BAZ2B: variants seen among roughly 807,000 people sequenced by gnomAD.
The protein encoded by BAZ2B is bromodomain adjacent to zinc finger domain 2B.
In BAZ2B, 91 loss-of-function variants were observed where a neutral mutation model predicts 246.0. That is an observed-to-expected ratio of 0.37 (90% confidence interval 0.31 to 0.44). The LOEUF is 0.44. Among genes scored for constraint, BAZ2B ranks in the 20% least tolerant of loss-of-function variants. The pLI, the probability that BAZ2B is intolerant of heterozygous loss-of-function variation, is 1.00. For missense variants in BAZ2B, 2,332 were observed against 2,533.7 expected (o/e 0.92, Z 1.71); for synonymous variants, 855 against 860.0 (o/e 0.99, Z 0.10).
chr2:159,456,609 C>G (rs1049171370), intron 3 of BAZ2B, among the ~76,000 whole-genome samples: 2 of 152,100 alleles, frequency 1.3e-5, no homozygotes. Context: ...GATCTGTACA[C>G]AAGAATGACA....
At chr2:159,619,385 A>AT (rs993258720), upstream of BAZ2B, among the ~76,000 whole-genome samples, 20 of 151,754 alleles carry the variant, frequency 1.3e-4, no homozygotes, top group Non-Finnish European at 2.4e-4. Flanking sequence ...TTTAAAATAT[A>AT]TTTTTATTAT....
chr2:159,461,170 A>G (rs2076362995), intron 3 of BAZ2B: 1 of 152,446 alleles, frequency 6.6e-6, no homozygotes, highest in Non-Finnish European at 1.5e-5. Flanking sequence ...AGGCAGGAAG[A>G]CATTACTTGT....
chr2:159,638,121 GA>G, the BAZ2B span, among the ~76,000 whole-genome samples: 13 of 152,302 alleles, frequency 8.5e-5, no homozygotes, highest in African/African-American at 2.9e-4. Flanking sequence ...TAAGAAAAAA[GA>G]ACAAAAGTCT....
the BAZ2B span, among the ~76,000 whole-genome samples, chr2:159,652,432 ACTCCTAAC>A: frequency 6.6e-6 from 1 of 151,750 alleles, no homozygotes; most frequent in Non-Finnish European, 1.5e-5. Flanking sequence ...CTAGTCTCAA[ACTCCTAAC>A]CTCAGGTGAT....
the BAZ2B span, among the ~76,000 whole-genome samples, chr2:159,663,198 T>A: frequency 1.3e-5 from 2 of 151,306 alleles, no homozygotes; most frequent in Non-Finnish European, 2.9e-5. Context: ...TTGTTTTTTT[T>A]TTCTTTTTTT....
At chr2:159,704,865 G>A in the BAZ2B span, among the ~76,000 whole-genome samples, 4 of 152,026 alleles carry the variant, frequency 2.6e-5, no homozygotes, top group Non-Finnish European at 5.9e-5. Context: ...ACCACGCCCG[G>A]CTAATTTTTT....
intron 2 of BAZ2B, among the ~76,000 whole-genome samples, chr2:159,551,466 C>CAAAAAAAA (rs57418948): frequency 1.8e-4 from 13 of 71,626 alleles, no homozygotes; most frequent in East Asian, 3.8e-4. Context: ...GACTCAGACT[C>CAAAAAAAA]AAAAAAAAAA....
intron 3 of BAZ2B, among the ~76,000 whole-genome samples, chr2:159,467,299 C>G (rs943011824): frequency 3.3e-5 from 5 of 152,128 alleles, no homozygotes; most frequent in Non-Finnish European, 1.5e-5. Flanking sequence ...AATCTAATGA[C>G]TCACAAAACT....
chr2:159,646,442 A>C, the BAZ2B span, among the ~76,000 whole-genome samples: 1 of 152,258 alleles, frequency 6.6e-6, no homozygotes, highest in East Asian at 1.9e-4. Context: ...GTCCTGAGGC[A>C]ATATACATCC....
At chr2:159,521,745 C>T (rs528462011) in intron 2 of BAZ2B, among the ~76,000 whole-genome samples, 80 of 152,076 alleles carry the variant, frequency 5.3e-4, no homozygotes, top group Admixed American at 1.3e-3. Context: ...TCTATCAGCA[C>T]TATTAGTGTA....
intron 25 of BAZ2B, among the ~76,000 whole-genome samples, chr2:159,381,680 G>A (rs1368449514): frequency 3.9e-5 from 6 of 152,122 alleles, no homozygotes; most frequent in African/African-American, 7.2e-5. Context: ...GCCAGAGTGA[G>A]TAACTTAAAA....
In BAZ2B at chr2:159,325,772, G is replaced by T; in HGVS notation, c.6090C>A (p.Asn2030Lys). The change falls in exon 35 of 37, where the codon AAC becomes AAA. Residue 2030 changes from asparagine (N) to lysine (K), a missense_variant. This residue lies in a region of BAZ2B where 210 missense variants were observed against 232.5 expected (regional missense o/e 0.90). Coordinates refer to ENST00000392783, the MANE Select transcript of BAZ2B (RefSeq NM_013450.4). ...CCATTTTTCTTTTCTTGAGGTCTTT[G>T]TTTCCTCTTTTTAGTGAACTACTTG... is the stretch of plus-strand genomic sequence containing the variant. ...ASTSSSLKRGNKDLKKRKMEE... is the reference protein window; with the variant it reads ...ASTSSSLKRGKKDLKKRKMEE... The T allele has an allele frequency of 6.2e-7, 1 of 1,603,734 alleles. No homozygotes were observed. Among genetic ancestry groups the T allele is most frequent in the Non-Finnish European group, 8.5e-7 (1 of 1,177,654 alleles).
intron 2 of BAZ2B, among the ~76,000 whole-genome samples, chr2:159,518,455 T>C (rs1017795107): frequency 2.6e-5 from 4 of 152,170 alleles, no homozygotes; most frequent in African/African-American, 4.8e-5. Context: ...TCAGAGTGAA[T>C]TCCCCTGTAC....
chr2:159,470,329 T>G (rs1403193940), intron 3 of BAZ2B, among the ~76,000 whole-genome samples: 1 of 152,206 alleles, frequency 6.6e-6, no homozygotes, highest in Non-Finnish European at 1.5e-5. Flanking sequence ...GGGAGGAATT[T>G]AACTTCAAAA....
At chr2:159,412,280 C>A in intron 14 of BAZ2B, 55 bp downstream of exon 14, 1 of 1,512,924 alleles carries the variant, frequency 6.6e-7, no homozygotes, top group Admixed American at 1.7e-5. Context: ...ATTAGAAATA[C>A]TTTTAGTATA....
intron 1 of BAZ2B, among the ~76,000 whole-genome samples, chr2:159,602,211 C>T (rs1254685590): frequency 2.6e-5 from 4 of 151,986 alleles, no homozygotes; most frequent in Admixed American, 6.6e-5. Flanking sequence ...CCATATTTCT[C>T]GCTATATTGG....
At chr2:159,447,629 G>A (rs1434311857) in intron 5 of BAZ2B, among the ~76,000 whole-genome samples, 1 of 152,074 alleles carries the variant, frequency 6.6e-6, no homozygotes, top group Non-Finnish European at 1.5e-5. Flanking sequence ...CATATAGGGA[G>A]GTAATGAAAT....
chr2:159,569,686 G>T (rs889880597), intron 1 of BAZ2B, among the ~76,000 whole-genome samples: 2 of 151,972 alleles, frequency 1.3e-5, no homozygotes, highest in South Asian at 4.2e-4. Context: ...GTAGCCAGAT[G>T]CGGTAGCACA....
chr2:159,645,010 C>T, the BAZ2B span, among the ~76,000 whole-genome samples: 2 of 152,172 alleles, frequency 1.3e-5, no homozygotes, highest in Non-Finnish European at 2.9e-5. Context: ...CACAGTGGCT[C>T]ACACGTGTAA....
Sources: gnomAD v4.1 joint callset for allele counts (sites outside exome capture counted in the v4.1 genomes callset) on GRCh38, gnomAD v4.1.1 for gene constraint, gnomAD v4.1.1 regional missense constraint, MANE v1.5 for transcripts, NCBI Gene and HGNC (gene_info 2026-07-23, HGNC 2026-07-21) for gene names.